Variants in NAALADL2 observed in about 807,000 individuals in gnomAD.
NAALADL2 encodes inactive N-acetylated-alpha-linked acidic dipeptidase-like protein 2.
NAALADL2 carries 76 observed loss-of-function variants against 87.2 expected under a neutral mutation model. The ratio of observed to expected loss-of-function variants is 0.87; its 90% CI spans 0.72 to 1.05. The LOEUF (loss-of-function observed/expected upper bound fraction) is 1.05, where lower values mean the gene tolerates loss of function less well. Ranked by LOEUF, NAALADL2 falls within the 50% of genes least tolerant of loss-of-function variation. The probability of loss-of-function intolerance (pLI) is 0.00; values close to 1 mark genes in which losing one functional copy is unlikely to be tolerated. For synonymous variants in NAALADL2, 354 were observed against 331.0 expected, an observed-to-expected ratio of 1.07 and a Z score of -0.75; for missense variants, 1,089 against 945.8, an observed-to-expected ratio of 1.15 and a Z score of -1.99.
At chr3:174,512,984 C>T (rs1346979380) in intron 1 of NAALADL2, among the ~76,000 whole-genome samples, 1 of 148,512 alleles carries the variant, frequency 6.7e-6, no homozygotes, top group Admixed American at 6.7e-5. Flanking sequence ...TTCTGGGAGA[C>T]AGAGTCTCTC....
intron 9 of NAALADL2, among the ~76,000 whole-genome samples, chr3:175,482,754 T>C (rs991335693): frequency 2.0e-5 from 3 of 151,828 alleles, no homozygotes; most frequent in African/African-American, 7.2e-5. Flanking sequence ...TAATACTCTA[T>C]CTGGATAATA....
chr3:175,783,640 G>T (rs947411207), intron 13 of NAALADL2, among the ~76,000 whole-genome samples: 3 of 152,068 alleles, frequency 2.0e-5, no homozygotes, highest in South Asian at 4.1e-4. Flanking sequence ...CAATCATGTT[G>T]TCTGCAAACA....
intron 2 of NAALADL2, among the ~76,000 whole-genome samples, chr3:174,706,348 C>T (rs1730065757): frequency 6.6e-6 from 1 of 152,132 alleles, no homozygotes; most frequent in South Asian, 2.1e-4. Context: ...AACCATAAAA[C>T]ATTTGAAGGA....
At chr3:175,128,213 A>G (rs1727263520) in intron 2 of NAALADL2, among the ~76,000 whole-genome samples, 1 of 152,180 alleles carries the variant, frequency 6.6e-6, no homozygotes, top group African/African-American at 2.4e-5. Flanking sequence ...AATGCTATTA[A>G]CTATATTTTA....
chr3:174,454,538 T>A (rs1194226005), intron 1 of NAALADL2, among the ~76,000 whole-genome samples: 1 of 152,034 alleles, frequency 6.6e-6, no homozygotes, highest in Non-Finnish European at 1.5e-5. Context: ...TAAGAACCAC[T>A]CTCTCAGACA....
intron 2 of NAALADL2, among the ~76,000 whole-genome samples, chr3:175,155,385 C>T (rs1023367260): frequency 2.6e-5 from 4 of 152,046 alleles, no homozygotes; most frequent in Admixed American, 1.3e-4. Context: ...AAGTTGGCAC[C>T]GGTCCTGTCA....
At chr3:175,535,029 G>T (rs1734619401) in intron 9 of NAALADL2, among the ~76,000 whole-genome samples, 1 of 152,074 alleles carries the variant, frequency 6.6e-6, no homozygotes, top group Non-Finnish European at 1.5e-5. Flanking sequence ...GCTTCAACCT[G>T]CTTCCCTAAA....
At chr3:174,793,468 G>A (rs866942245) in intron 3 of NAALADL2, among the ~76,000 whole-genome samples, 27 of 152,140 alleles carry the variant, frequency 1.8e-4, no homozygotes, top group Non-Finnish European at 2.5e-4. Flanking sequence ...GGTATACACC[G>A]GAATAGGAGT....
intron 11 of NAALADL2, among the ~76,000 whole-genome samples, chr3:175,664,657 A>T (rs1399908195): frequency 6.6e-6 from 1 of 152,148 alleles, no homozygotes; most frequent in African/African-American, 2.4e-5. Flanking sequence ...AAAATAATAA[A>T]AAGTTAATTT....
At chr3:175,496,851 G>A (rs1728886237) in intron 9 of NAALADL2, among the ~76,000 whole-genome samples, 1 of 151,872 alleles carries the variant, frequency 6.6e-6, no homozygotes, top group Non-Finnish European at 1.5e-5. Flanking sequence ...TGAGCCACCA[G>A]GCCTGGCTGA....
intron 2 of NAALADL2, among the ~76,000 whole-genome samples, chr3:174,650,773 A>G (rs529741194): frequency 6.6e-6 from 1 of 151,628 alleles, no homozygotes; most frequent in Non-Finnish European, 1.5e-5. Context: ...TGAAGAGACA[A>G]ATTAGGATGT....
Position 174,670,646 on chromosome 3 carries a change from A to G in NAALADL2, c.-114-66995A>G, listed in dbSNP as rs964638385. 4.6e-5 allele frequency among the ~76,000 whole-genome samples: 7 copies of G among 152,102 alleles called. No homozygotes were observed. In the South Asian group the frequency reaches 1.2e-3, roughly 27 times the overall value. ...TTATCATCAAGTCTTTTCAATCTTG[A>G]TTTTTCTATGAATTGAACTGTAGGA... On this transcript the variant is annotated intron_variant, in intron 2 of 3. Coordinates refer to the NAALADL2 transcript ENST00000434257.
At chr3:175,093,418 A>T (rs1021064014) in intron 1 of NAALADL2, among the ~76,000 whole-genome samples, 18 of 137,210 alleles carry the variant, frequency 1.3e-4, no homozygotes, top group East Asian at 9.1e-4. Flanking sequence ...TTATTTTTTT[A>T]TATATATATA....
chr3:175,477,441 G>C (rs1040672950), intron 9 of NAALADL2, among the ~76,000 whole-genome samples: 1 of 152,000 alleles, frequency 6.6e-6, no homozygotes, highest in Non-Finnish European at 1.5e-5. Flanking sequence ...ATAATTGAAA[G>C]CCTGTAACTT....
intron 2 of NAALADL2, among the ~76,000 whole-genome samples, chr3:174,697,254 TATG>T (rs1219357188): frequency 1.3e-5 from 2 of 152,186 alleles, no homozygotes; most frequent in Non-Finnish European, 2.9e-5. Flanking sequence ...AAAGTCAAAA[TATG>T]ATATTTTCTT....
intron 1 of NAALADL2, among the ~76,000 whole-genome samples, chr3:174,890,819 A>G (rs1215460249): frequency 3.3e-5 from 5 of 152,204 alleles, no homozygotes; most frequent in African/African-American, 1.2e-4. Flanking sequence ...AAATAAATAT[A>G]AGATAGGAAA....
intron 9 of NAALADL2, among the ~76,000 whole-genome samples, chr3:175,552,970 T>C (rs1171027154): frequency 6.6e-6 from 1 of 152,158 alleles, no homozygotes; most frequent in Non-Finnish European, 1.5e-5. Flanking sequence ...TTTTATCAAC[T>C]AAATCAAATG....
chr3:175,099,297 A>T (rs1024576934), intron 2 of NAALADL2, among the ~76,000 whole-genome samples: 2 of 152,196 alleles, frequency 1.3e-5, no homozygotes, highest in Non-Finnish European at 2.9e-5. Flanking sequence ...CTCCAAAATC[A>T]ACAAAGTAAC....
chr3:174,723,713 G>A (rs879543852), intron 2 of NAALADL2, among the ~76,000 whole-genome samples: 6 of 117,356 alleles, frequency 5.1e-5, no homozygotes, highest in Non-Finnish European at 8.1e-5. Context: ...CAGAGACTGC[G>A]CCACTGCACT....
Sources: gnomAD v4.1 joint callset for allele counts (sites outside exome capture counted in the v4.1 genomes callset) on GRCh38, gnomAD v4.1.1 for gene constraint, MANE v1.5 for transcripts, NCBI Gene and HGNC (gene_info 2026-07-23, HGNC 2026-07-21) for gene names.